The following KIAA1328 variants were observed in gnomAD, a reference collection of about 807,000 sequenced individuals.
The protein encoded by KIAA1328 is KIAA1328, also known as protein hinderin.
A neutral mutation model predicts 68.1 loss-of-function variants in KIAA1328; 52 were observed. The ratio of observed to expected loss-of-function variants is 0.76; its 90% CI spans 0.61 to 0.96. The LOEUF is 0.96. Among genes scored for constraint, KIAA1328 ranks in the 40% least tolerant of loss-of-function variants. The pLI is 0.00. For synonymous variants in KIAA1328, 232 were observed against 239.4 expected (o/e 0.97, Z 0.28); for missense variants, 641 against 677.6 (o/e 0.95, Z 0.60).
At chr18:36,898,786 T>C (rs766337066) in intron 5 of KIAA1328, among the ~76,000 whole-genome samples, 23 of 151,944 alleles carry the variant, frequency 1.5e-4, no homozygotes, top group Non-Finnish European at 2.9e-4. Context: ...TAACTTTGAT[T>C]TTAATTTTGT....
intron 7 of KIAA1328, among the ~76,000 whole-genome samples, chr18:37,069,037 AG>A (rs1309428951): frequency 1.3e-5 from 2 of 152,086 alleles, no homozygotes; most frequent in Admixed American, 1.3e-4. Flanking sequence ...GTTTTATCAT[AG>A]GTGTTGAATT....
chr18:36,918,639 T>A (rs1188313557), intron 5 of KIAA1328, among the ~76,000 whole-genome samples: 1 of 152,162 alleles, frequency 6.6e-6, no homozygotes, highest in Non-Finnish European at 1.5e-5. Flanking sequence ...GGTTTTGAAC[T>A]CCTGACCTCA....
At chr18:36,989,187 C>G (rs1172810748) in intron 6 of KIAA1328, among the ~76,000 whole-genome samples, 3 of 152,078 alleles carry the variant, frequency 2.0e-5, no homozygotes, top group African/African-American at 7.2e-5. Context: ...TTTCGTTTCT[C>G]TCAGTCTTGG....
intron 7 of KIAA1328, among the ~76,000 whole-genome samples, chr18:37,144,970 C>T (rs1000765305): frequency 1.1e-4 from 17 of 152,066 alleles, no homozygotes; most frequent in Admixed American, 5.2e-4. Flanking sequence ...TTTGGTGGCT[C>T]ATGCCTGTAA....
chr18:36,987,229 G>T (rs1302075858), intron 6 of KIAA1328, among the ~76,000 whole-genome samples: 2 of 88,926 alleles, frequency 2.2e-5, no homozygotes, highest in African/African-American at 7.4e-5. Context: ...GTAAACTATC[G>T]CAAGAACAAA....
chr18:36,975,152 C>A (rs2052409907), intron 6 of KIAA1328, among the ~76,000 whole-genome samples: 1 of 151,606 alleles, frequency 6.6e-6, no homozygotes, highest in Non-Finnish European at 1.5e-5. Flanking sequence ...AGTTATTGAT[C>A]CAAGGACCAA....
intron 7 of KIAA1328, among the ~76,000 whole-genome samples, chr18:37,158,985 G>A (rs2059217791): frequency 6.6e-6 from 1 of 151,796 alleles, no homozygotes; most frequent in Admixed American, 6.6e-5. Flanking sequence ...AGTGCAATTT[G>A]TATAACCCTA....
rs982061149 is a variant in KIAA1328, at chr18:36,915,584, T to C, written c.448+29912T>C. On this transcript the variant is annotated intron_variant, in intron 5 of 9. Transcript: ENST00000280020. ...CACATGAAAACATGTCCAACATCTT[T>C]ACTCATTAGGGAAATGCAAATGAAA... Among the ~76,000 whole-genome samples, 10 of 152,294 alleles carry C rather than the reference T, an allele frequency of 6.6e-5. No homozygotes were observed. In the East Asian group the frequency reaches 7.7e-4, roughly 12 times the overall value.
chr18:37,086,871 G>T (rs1273509793), intron 7 of KIAA1328, among the ~76,000 whole-genome samples: 1 of 152,074 alleles, frequency 6.6e-6, no homozygotes, highest in Non-Finnish European at 1.5e-5. Flanking sequence ...AATGTATGCT[G>T]ATATGCATAA....
At chr18:37,095,673 T>C (rs1316749246) in intron 7 of KIAA1328, among the ~76,000 whole-genome samples, 1 of 152,054 alleles carries the variant, frequency 6.6e-6, no homozygotes, top group Non-Finnish European at 1.5e-5. Context: ...AAATGAAATA[T>C]GGGCTAAACA....
intron 9 of KIAA1328, among the ~76,000 whole-genome samples, chr18:37,184,143 C>T (rs1223675174): frequency 6.6e-6 from 1 of 152,132 alleles, no homozygotes; most frequent in Admixed American, 6.5e-5. Context: ...TCATGACATT[C>T]CAGTAGACAT....
At chr18:36,926,399 T>TTATTTATG (rs2050121176) in intron 5 of KIAA1328, among the ~76,000 whole-genome samples, 1 of 148,310 alleles carries the variant, frequency 6.7e-6, no homozygotes, top group Non-Finnish European at 1.5e-5. Context: ...ATTTATTTAT[T>TTATTTATG]TATTTATTTA....
chr18:37,203,112 AT>A (rs1266368780), intron 9 of KIAA1328, among the ~76,000 whole-genome samples: 1 of 149,760 alleles, frequency 6.7e-6, no homozygotes, highest in Admixed American at 6.7e-5. Context: ...ATTATATCTT[AT>A]TAATGCTGTA....
chr18:36,997,305 T>C (rs1397290180), intron 6 of KIAA1328, among the ~76,000 whole-genome samples: 1 of 152,188 alleles, frequency 6.6e-6, no homozygotes, highest in East Asian at 1.9e-4. Flanking sequence ...CTTCCCTTTT[T>C]CCCTCTCTTC....
intron 7 of KIAA1328, among the ~76,000 whole-genome samples, chr18:37,078,008 C>T (rs1244215872): frequency 6.6e-6 from 1 of 152,150 alleles, no homozygotes; most frequent in Non-Finnish European, 1.5e-5. Flanking sequence ...CAAAAAAGAG[C>T]CCACATTGCC....
At position 37,066,957 on chromosome 18, in the gene KIAA1328, C is replaced by T. The variant is rs1452530203; in HGVS notation, c.644C>T (p.Ala215Val). ...VELDGSYLSI[A>V]RPQTYYQTKQ... ...CTGGATGGTTCCTACTTGAGCATAGCCAGACCACAGACCTACTATCAAACC... is the reference window on the plus strand; with the variant it reads ...CTGGATGGTTCCTACTTGAGCATAGTCAGACCACAGACCTACTATCAAACC... The change falls in exon 7 of 10, where the codon GCC (alanine) becomes GTC (valine). Residue 215 changes from alanine to valine, a missense_variant. Ala to Val is a moderately conservative substitution (Grantham distance 64, BLOSUM62 0). Transcript: ENST00000280020. 5 of 1,612,002 alleles carry T rather than the reference C, an allele frequency of 3.1e-6. No individual in the cohort carries two copies. The Admixed American group carries it at 8.4e-5, about 27-fold the overall frequency.
chr18:37,047,781 C>T (rs1490583578), intron 6 of KIAA1328, among the ~76,000 whole-genome samples: 3 of 152,108 alleles, frequency 2.0e-5, no homozygotes, highest in South Asian at 2.1e-4. Flanking sequence ...TCCCCTTTTG[C>T]CAAAATTTGA....
chr18:36,957,477 A>T (rs1320229138), intron 5 of KIAA1328, among the ~76,000 whole-genome samples: 1 of 152,170 alleles, frequency 6.6e-6, no homozygotes, highest in Non-Finnish European at 1.5e-5. Context: ...AAGTTAGCTG[A>T]CATTTTCCAA....
rs555234258 is a variant in KIAA1328 at position 37,079,336 on chromosome 18, G to C, written c.1232+11791G>C. Among the ~76,000 whole-genome samples the C allele has an allele frequency of 5.9e-5, 7 of 118,320 alleles. 2 individuals are homozygous for C. The highest frequency in any genetic ancestry group is 1.3e-4 in the African/African-American group (3 of 22,642). The allele number at this position is 118,320 out of a possible 152,430, so 77.6% of individuals were successfully genotyped here. ...CACACAGCGGGGCCTGTTGTGGGGTGGGGGGAGAGGGGAGGGATAGCTTTA... is the reference window on the plus strand; with the variant it reads ...CACACAGCGGGGCCTGTTGTGGGGTCGGGGGAGAGGGGAGGGATAGCTTTA... On this transcript the variant is annotated intron_variant, in intron 7 of 9. Transcript: ENST00000280020.
Sources: allele counts gnomAD v4.1 joint callset (sites outside exome capture counted in the v4.1 genomes callset), GRCh38; gene constraint gnomAD v4.1.1; transcripts MANE v1.5; gene names NCBI Gene and HGNC (gene_info 2026-07-23, HGNC 2026-07-21).